Variants in TCF7 observed in about 807,000 individuals in gnomAD.
TCF7 encodes T-cell-factor-7.
In TCF7, 19 loss-of-function variants were observed where a neutral mutation model predicts 46.8. The observed-to-expected ratio is 0.41, with a 90% confidence interval of 0.28 to 0.60. The LOEUF is 0.60. Ranked by LOEUF, TCF7 falls within the 20% of genes least tolerant of loss-of-function variation. TCF7 has a pLI of 0.35. For missense variants in TCF7, 547 were observed against 504.6 expected, an observed-to-expected ratio of 1.08 and a Z score of -0.81; for synonymous variants, 245 against 213.4, an observed-to-expected ratio of 1.15 and a Z score of -1.29.
At chr5:134,134,201 G>C (rs1362948443) in intron 3 of TCF7, among the ~76,000 whole-genome samples, 2 of 152,244 alleles carry the variant, frequency 1.3e-5, no homozygotes, top group Non-Finnish European at 1.5e-5. Context: ...TCTGGGCAGA[G>C]CAGAGACTCT....
intron 3 of TCF7, among the ~76,000 whole-genome samples, chr5:134,125,813 C>T (rs966543559): frequency 6.6e-6 from 1 of 152,310 alleles, no homozygotes; most frequent in Middle Eastern, 3.4e-3. Flanking sequence ...CGGGAGACCC[C>T]GGTGTCCGGT....
intron 9 of TCF7, chr5:134,144,754 C>T (rs1445584428): frequency 6.6e-6 from 10 of 1,520,026 alleles, no homozygotes; most frequent in East Asian, 2.3e-5. Context: ...GCTGCCTGCT[C>T]GCCCTCTGCC....
intron 9 of TCF7, 200 bp downstream of exon 9, chr5:134,143,840 CCAG>C: frequency 3.3e-6 from 2 of 605,280 alleles, no homozygotes; most frequent in Admixed American, 3.0e-5. Flanking sequence ...CCAGGGAAAC[CCAG>C]CAGAACTGGC....
chr5:134,112,494 A>G (rs1755341553), upstream of TCF7, among the ~76,000 whole-genome samples: 1 of 151,608 alleles, frequency 6.6e-6, no homozygotes, highest in African/African-American at 2.4e-5. Context: ...CACTCTCCCT[A>G]CTCACCCACC....
At chr5:134,115,675 G>T (rs1755710629) in intron 2 of TCF7, 1 of 1,432,218 alleles carries the variant, frequency 7.0e-7, no homozygotes, top group East Asian at 2.5e-5. Context: ...ATTGGCCAAG[G>T]TTTCTTGGTT....
upstream of TCF7, among the ~76,000 whole-genome samples, chr5:134,111,196 A>G (rs1755325774): frequency 6.6e-6 from 1 of 152,196 alleles, no homozygotes; most frequent in African/African-American, 2.4e-5. Flanking sequence ...AGAGATGGAA[A>G]CTTAAGACTG....
At chr5:134,144,569 G>T in intron 9 of TCF7, 1 of 540,174 alleles carries the variant, frequency 1.9e-6, no homozygotes, top group Non-Finnish European at 3.3e-6. Flanking sequence ...TCTTCCCACT[G>T]CCTCTACTGC....
chr5:134,144,591 C>T lies in TCF7; in HGVS notation c.1075+951C>T, dbSNP rs1760394931. 1.4e-5 allele frequency: 8 copies of T among 573,522 alleles called. No individual in the cohort carries two copies. The Admixed American group carries it at 2.1e-4, about 15-fold the overall frequency. The allele number at this position is 573,522 out of a possible 1,614,324, so 35.5% of individuals were successfully genotyped here. Reference sequence around the variant, plus strand: ...ACTGCCTCTACTGCGTACCTGGGTGCCCACCTTTCCTGATATCTTGGCTCT... The same window carrying T: ...ACTGCCTCTACTGCGTACCTGGGTGTCCACCTTTCCTGATATCTTGGCTCT... On this transcript the variant is annotated intron_variant, in intron 9 of 9. Transcript: ENST00000342854.
At position 134,143,406 on chromosome 5, in the gene TCF7, AG is replaced by A. The variant is rs776596852; in HGVS notation, c.1027-183del. ...TCAAACTGGAGACCAGATTGGGGTG[AG>A]GGAAGAGCTTCTAAATGCACTCCAT... On this transcript the variant is annotated intron_variant, in intron 8 of 9. Coordinates refer to ENST00000342854, the MANE Select transcript of TCF7 (RefSeq NM_003202.5). 20 of 812,566 alleles carry A rather than the reference AG, an allele frequency of 2.5e-5. No individual in the cohort carries two copies. The South Asian group carries it at 2.5e-4, about 10-fold the overall frequency. The allele number at this position is 812,566 out of a possible 1,614,324, so 50.3% of individuals were successfully genotyped here.
At chr5:134,131,789 G>A (rs1758162842) in intron 3 of TCF7, among the ~76,000 whole-genome samples, 1 of 152,244 alleles carries the variant, frequency 6.6e-6, no homozygotes, top group Admixed American at 6.5e-5. Flanking sequence ...CCCTTAGACT[G>A]AGGTCAGGAT....
chr5:134,109,801 A>G (rs1198323829), upstream of TCF7, among the ~76,000 whole-genome samples: 1 of 150,616 alleles, frequency 6.6e-6, no homozygotes, highest in Non-Finnish European at 1.5e-5. Flanking sequence ...AAGAACTTAG[A>G]GGCATCTGCA....
chr5:134,135,560 G>T (rs1362813885), intron 3 of TCF7, among the ~76,000 whole-genome samples: 2 of 152,288 alleles, frequency 1.3e-5, no homozygotes, highest in East Asian at 3.9e-4. Flanking sequence ...AGTCAAGGAT[G>T]ACTCCAAGAT....
rs974908911 is a variant in TCF7, at chr5:134,144,337, G to A, written c.1075+697G>A. 4.6e-5 allele frequency: 9 copies of A among 194,868 alleles called. No individual in the cohort carries two copies. The East Asian group carries it at 1.1e-3, about 25-fold the overall frequency. The allele number at this position is 194,868 out of a possible 1,614,324, so 12.1% of individuals were successfully genotyped here. A position where few individuals can be genotyped will look rare whatever the true frequency, so the allele number is the denominator to read the frequency against. On this transcript the variant is annotated intron_variant, in intron 9 of 9. Transcript: ENST00000342854. ...CTTCCATCTGCAAGTGTGTAGAACA[G>A]CATAAGGTATAGCCTTCAGCCTTAT...
At chr5:134,117,868 C>T (rs1421987631) in intron 3 of TCF7, among the ~76,000 whole-genome samples, 1 of 152,214 alleles carries the variant, frequency 6.6e-6, no homozygotes. Context: ...CTTCTGGCCA[C>T]ACAGGAGGAG....
intron 4 of TCF7, 132 bp downstream of exon 4, chr5:134,138,296 G>T: frequency 1.4e-6 from 1 of 717,244 alleles, no homozygotes; most frequent in South Asian, 2.0e-5. Context: ...AGGGCCCAAA[G>T]AAAATACCAG....
chr5:134,145,090 CAG>C (rs1561703540), intron 9 of TCF7: 3 of 635,184 alleles, frequency 4.7e-6, no homozygotes, highest in South Asian at 1.7e-5. Flanking sequence ...GAGAAAGACA[CAG>C]AATGTTCCAG....
chr5:134,116,817 G>T (rs1356923670), intron 3 of TCF7, among the ~76,000 whole-genome samples: 8 of 152,260 alleles, frequency 5.3e-5, no homozygotes, highest in African/African-American at 1.9e-4. Flanking sequence ...CGCTTTTAAA[G>T]AAATTCCTAT....
rs760453520 is a variant in TCF7, at chr5:134,116,669, T to C, written c.441+636T>C. 1.7e-4 allele frequency among the ~76,000 whole-genome samples: 26 copies of C among 152,246 alleles called. 1 individual carries two copies. Among genetic ancestry groups the C allele is most frequent in the Middle Eastern group, 3.2e-3 (1 of 316 alleles). On this transcript the variant is annotated intron_variant, in intron 3 of 9. Coordinates refer to ENST00000342854, the MANE Select transcript of TCF7 (RefSeq NM_003202.5). The stretch of plus-strand genomic sequence containing the variant: ...TCAGTGATGTTGAGAAGGGACCAGT[T>C]TAATTAATTCGTGAATTAAATATTT...
At chr5:134,115,695 G>A in intron 2 of TCF7, 4 of 1,430,256 alleles carry the variant, frequency 2.8e-6, no homozygotes, top group Non-Finnish European at 2.7e-6. Flanking sequence ...TGGAGGGCGG[G>A]GGGTGGGAGG....
Sources: gnomAD v4.1 joint callset for allele counts (sites outside exome capture counted in the v4.1 genomes callset) on GRCh38, gnomAD v4.1.1 for gene constraint, MANE v1.5 for transcripts, NCBI Gene and HGNC (gene_info 2026-07-23, HGNC 2026-07-21) for gene names.